ARHGAP24: variants seen among roughly 807,000 people sequenced by gnomAD.
ARHGAP24 encodes the protein rho GTPase-activating protein 24.
Under a neutral mutation model 76.4 loss-of-function variants are expected in ARHGAP24, and 50 were observed. That is an observed-to-expected ratio of 0.65 (90% CI 0.52 to 0.83). The LOEUF is 0.83. ARHGAP24 is among the 40% of genes least tolerant of loss of function. The probability of loss-of-function intolerance (pLI) is 0.00; values close to 1 mark genes in which losing one functional copy is unlikely to be tolerated. For synonymous variants in ARHGAP24, 345 were observed against 323.3 expected (o/e 1.07, Z -0.72); for missense variants, 930 against 914.2 (o/e 1.02, Z -0.22).
intron 6 of ARHGAP24, chr4:85,972,449 TCACA>T (rs1280650059): frequency 1.2e-5 from 5 of 424,846 alleles, no homozygotes; most frequent in Non-Finnish European, 2.2e-5. Flanking sequence ...AGGCCACACA[TCACA>T]CAAAAGAAGT....
At chr4:85,820,664 A>C (rs1258426303) in intron 3 of ARHGAP24, among the ~76,000 whole-genome samples, 1 of 152,344 alleles carries the variant, frequency 6.6e-6, no homozygotes, top group Non-Finnish European at 1.5e-5. Context: ...GCTCAATAGT[A>C]ATAATTTTAA....
chr4:85,704,499 G>T (rs1415571173), intron 2 of ARHGAP24, among the ~76,000 whole-genome samples: 4 of 152,166 alleles, frequency 2.6e-5, no homozygotes, highest in Admixed American at 2.0e-4. Context: ...GATAGGAGAA[G>T]TTGGGCAGTA....
Position 85,892,211 on chromosome 4 carries a change from C to T in ARHGAP24, c.269-31437C>T, listed in dbSNP as rs576413355. Among the ~76,000 whole-genome samples, 14 of 63,910 alleles carry T rather than the reference C, an allele frequency of 2.2e-4. 5 individuals are homozygous for T. The South Asian group carries it at 2.7e-3, about 12-fold the overall frequency. 41.9% of individuals were successfully genotyped at this position (63,910 alleles called of 152,430 possible). ...TCTGTGGGATCTATGGTGATATCCC[C>T]TTTATCATTTTTTATTGTGTCTATT... On this transcript the variant is annotated intron_variant, in intron 3 of 9. Transcript: ENST00000395184.
intron 3 of ARHGAP24, among the ~76,000 whole-genome samples, chr4:85,874,966 A>T: frequency 8.4e-6 from 1 of 119,408 alleles, no homozygotes; most frequent in African/African-American, 3.4e-5. Flanking sequence ...TTTATATATA[A>T]ATATATTTTT....
At chr4:85,622,575 A>G (rs1256077579) in intron 2 of ARHGAP24, among the ~76,000 whole-genome samples, 2 of 152,120 alleles carry the variant, frequency 1.3e-5, no homozygotes, top group African/African-American at 2.4e-5. Context: ...ATGTGTCTTT[A>G]TAGCAGCATG....
chr4:85,657,323 T>G (rs1722211752), intron 2 of ARHGAP24, among the ~76,000 whole-genome samples: 1 of 152,214 alleles, frequency 6.6e-6, no homozygotes, highest in South Asian at 2.1e-4. Flanking sequence ...GTTAATGTAT[T>G]CTGAATGGTC....
intron 3 of ARHGAP24, among the ~76,000 whole-genome samples, chr4:85,725,002 T>A (rs1341106642): frequency 6.6e-6 from 1 of 152,170 alleles, no homozygotes; most frequent in Non-Finnish European, 1.5e-5. Flanking sequence ...TAATGAACAG[T>A]TCTTGAAGAA....
At chr4:85,833,034 A>G (rs921047403) in intron 3 of ARHGAP24, among the ~76,000 whole-genome samples, 2 of 152,176 alleles carry the variant, frequency 1.3e-5, no homozygotes, top group African/African-American at 4.8e-5. Context: ...TCAATCACTA[A>G]TTTATTTTAT....
chr4:85,802,103 C>A (rs1728603220), intron 3 of ARHGAP24, among the ~76,000 whole-genome samples: 1 of 152,160 alleles, frequency 6.6e-6, no homozygotes, highest in African/African-American at 2.4e-5. Context: ...CAATAAAATT[C>A]ATTAACTAGG....
chr4:85,722,747 G>T (rs1725002083), intron 3 of ARHGAP24, among the ~76,000 whole-genome samples: 1 of 152,144 alleles, frequency 6.6e-6, no homozygotes. Flanking sequence ...GTAGGAATCT[G>T]GCTCCGGTTG....
chr4:85,591,030 G>GTTTT (rs1560544158), intron 2 of ARHGAP24, among the ~76,000 whole-genome samples: 76 of 121,854 alleles, frequency 6.2e-4, no homozygotes, highest in African/African-American at 2.3e-3. Context: ...AAATCTGCTG[G>GTTTT]GTTTTTTTTT....
intron 1 of ARHGAP24, among the ~76,000 whole-genome samples, chr4:85,547,476 C>T (rs952653228): frequency 2.0e-5 from 3 of 151,926 alleles, no homozygotes; most frequent in African/African-American, 7.3e-5. Context: ...CTCTCTGTCA[C>T]CTGGACTGGA....
intron 3 of ARHGAP24, among the ~76,000 whole-genome samples, chr4:85,755,535 A>C (rs1361421726): frequency 1.3e-5 from 2 of 152,098 alleles, no homozygotes; most frequent in Admixed American, 1.3e-4. Flanking sequence ...TTTATTGGAA[A>C]GTGAAAATAT....
intron 5 of ARHGAP24, among the ~76,000 whole-genome samples, chr4:85,961,178 C>G (rs1738220430): frequency 6.6e-6 from 1 of 151,992 alleles, no homozygotes; most frequent in Admixed American, 6.6e-5. Context: ...AAAGACACAA[C>G]TGGATTCTTT....
intron 1 of ARHGAP24, among the ~76,000 whole-genome samples, chr4:85,490,953 GCTT>G (rs1475836610): frequency 6.6e-6 from 1 of 152,098 alleles, no homozygotes; most frequent in African/African-American, 2.4e-5. Context: ...CAACACAAAT[GCTT>G]CTTTCTGCAA....
At chr4:85,959,337 C>T (rs1237631736) in intron 5 of ARHGAP24, among the ~76,000 whole-genome samples, 2 of 152,138 alleles carry the variant, frequency 1.3e-5, no homozygotes, top group Non-Finnish European at 2.9e-5. Flanking sequence ...TTTACTACAA[C>T]CTGTTTCATC....
At chr4:85,557,220 T>C (rs1278747258) in intron 1 of ARHGAP24, among the ~76,000 whole-genome samples, 1 of 150,146 alleles carries the variant, frequency 6.7e-6, no homozygotes, top group African/African-American at 2.4e-5. Context: ...CAAGGTGCAG[T>C]GGAGGCATGG....
chr4:85,806,240 A>C (rs1372009495), intron 3 of ARHGAP24, among the ~76,000 whole-genome samples: 1 of 152,170 alleles, frequency 6.6e-6, no homozygotes, highest in East Asian at 1.9e-4. Flanking sequence ...GCTTCCACTC[A>C]TCTAAGGTCT....
At chr4:85,739,873 A>G (rs377714506) in intron 3 of ARHGAP24, among the ~76,000 whole-genome samples, 1 of 1,950 alleles carries the variant, frequency 5.1e-4, no homozygotes, top group African/African-American at 5.2e-4. Context: ...TGATCCGCCC[A>G]CCTCGGCCTC....
Sources: allele counts gnomAD v4.1 joint callset (sites outside exome capture counted in the v4.1 genomes callset), GRCh38; gene constraint gnomAD v4.1.1; transcripts MANE v1.5; gene names NCBI Gene and HGNC (gene_info 2026-07-23, HGNC 2026-07-21).